The following PDE10A variants were observed in gnomAD, a reference collection of about 807,000 sequenced individuals.
The protein encoded by PDE10A is phosphodiesterase 10A.
PDE10A carries 39 observed loss-of-function variants against 97.7 expected under a neutral mutation model. That is an observed-to-expected ratio of 0.40 (90% CI 0.31 to 0.52). PDE10A has a LOEUF of 0.52. Among genes scored for constraint, PDE10A ranks in the 20% least tolerant of loss-of-function variants. The pLI is 0.56. For synonymous variants in PDE10A, 371 were observed against 376.8 expected (o/e 0.98, Z 0.18); for missense variants, 731 against 1,047.8 (o/e 0.70, Z 4.17).
At chr6:165,519,530 C>T (rs1037559870) in intron 2 of PDE10A, among the ~76,000 whole-genome samples, 1 of 151,946 alleles carries the variant, frequency 6.6e-6, no homozygotes, top group African/African-American at 2.4e-5. Context: ...TGAAGTCCTC[C>T]TGTGTACTGT....
chr6:165,786,389 A>G (rs75511212), intron 1 of PDE10A, among the ~76,000 whole-genome samples: 10,987 of 152,304 alleles, frequency 0.072, 562 homozygotes, highest in East Asian at 0.22. Context: ...GTTTGTGGAC[A>G]CACCAACATT....
intron 1 of PDE10A, among the ~76,000 whole-genome samples, chr6:165,674,620 CCTAA>C (rs1790743979): frequency 6.6e-6 from 1 of 152,128 alleles, no homozygotes; most frequent in African/African-American, 2.4e-5. Flanking sequence ...GATCTTTTCG[CCTAA>C]CTCACTATTC....
intron 1 of PDE10A, among the ~76,000 whole-genome samples, chr6:165,825,655 G>T (rs1779718129): frequency 6.6e-6 from 1 of 152,234 alleles, no homozygotes; most frequent in Non-Finnish European, 1.5e-5. Context: ...AAGAGAGCAA[G>T]ACTGCAGTTA....
Position 165,333,067 on chromosome 6 carries a change from T to G in PDE10A, c.3126A>C (p.Ser1042=). 1 of 1,613,466 alleles carries G rather than the reference T, an allele frequency of 6.2e-7. No homozygotes were observed. Among genetic ancestry groups the G allele is most frequent in the Non-Finnish European group, 8.5e-7 (1 of 1,179,488 alleles). Residue 1042 remains serine (S), a synonymous_variant, in exon 22 of 22, where the codon TCA becomes TCC. Coordinates refer to ENST00000539869, the MANE Select transcript of PDE10A (RefSeq NM_001385079.1). ...IRGEETATWI[S]SPSVAQKAAA... ...CTGCCTTCTGAGCCACGGATGGGGA[T>G]GAAATCCAGGTTGCAGTCTCCTCCC... is the stretch of plus-strand genomic sequence containing the variant.
At chr6:165,704,945 T>A (rs1215050628) in intron 1 of PDE10A, among the ~76,000 whole-genome samples, 1 of 152,228 alleles carries the variant, frequency 6.6e-6, no homozygotes, top group East Asian at 1.9e-4. Context: ...TGTACCACAC[T>A]GCCTTCCACA....
At chr6:165,952,688 C>T (rs147493327) in intron 1 of PDE10A, among the ~76,000 whole-genome samples, 4 of 152,318 alleles carry the variant, frequency 2.6e-5, no homozygotes, top group South Asian at 2.1e-4. Context: ...CTGCACGGGA[C>T]GGAAAGCGCA....
intron 1 of PDE10A, among the ~76,000 whole-genome samples, chr6:165,884,673 T>C (rs1460722434): frequency 8.5e-5 from 13 of 152,226 alleles, no homozygotes; most frequent in Non-Finnish European, 1.9e-4. Flanking sequence ...CTGATATGAC[T>C]GAAATGAATT....
intron 1 of PDE10A, among the ~76,000 whole-genome samples, chr6:165,739,553 A>G (rs900293029): frequency 4.6e-5 from 7 of 152,166 alleles, no homozygotes; most frequent in Admixed American, 1.3e-4. Flanking sequence ...AAAACAGAGA[A>G]AAAGCTTTTG....
chr6:165,504,685 T>A (rs1781089519), intron 2 of PDE10A, among the ~76,000 whole-genome samples: 3 of 152,160 alleles, frequency 2.0e-5, no homozygotes. Flanking sequence ...CTTACTAATA[T>A]ATTACTAATA....
At chr6:165,916,195 T>G (rs1250960599) in intron 1 of PDE10A, among the ~76,000 whole-genome samples, 2 of 152,256 alleles carry the variant, frequency 1.3e-5, no homozygotes, top group Non-Finnish European at 2.9e-5. Context: ...TGCCAGTTCC[T>G]AATTTGCAAT....
At chr6:165,336,997 T>C (rs1781693666) in intron 20 of PDE10A, among the ~76,000 whole-genome samples, 1 of 152,086 alleles carries the variant, frequency 6.6e-6, no homozygotes, top group Admixed American at 6.6e-5. Context: ...CTCTTGGCTT[T>C]GGTGCCTTGT....
intron 1 of PDE10A, among the ~76,000 whole-genome samples, chr6:165,620,914 G>T (rs1439214352): frequency 2.0e-5 from 3 of 151,978 alleles, no homozygotes; most frequent in African/African-American, 7.3e-5. Flanking sequence ...CCAGCTACTA[G>T]GGAGGCTGAG....
At chr6:165,629,426 G>A (rs901033063) in intron 1 of PDE10A, among the ~76,000 whole-genome samples, 78 of 151,342 alleles carry the variant, frequency 5.2e-4, no homozygotes, top group African/African-American at 1.6e-3. Flanking sequence ...AAAAGAAGCC[G>A]TTTGAATGAC....
At chr6:165,508,870 G>C (rs1781351758) in intron 2 of PDE10A, among the ~76,000 whole-genome samples, 1 of 151,926 alleles carries the variant, frequency 6.6e-6, no homozygotes, top group African/African-American at 2.4e-5. Context: ...TATCATAATA[G>C]TCCAGTCTCA....
intron 1 of PDE10A, chr6:165,948,231 A>G (rs553277773): frequency 2.8e-4 from 42 of 152,330 alleles, no homozygotes; most frequent in African/African-American, 9.6e-4. Flanking sequence ...GACCTGAACC[A>G]AGAGTTTTAT....
chr6:165,862,246 C>T (rs1250278600), intron 1 of PDE10A, among the ~76,000 whole-genome samples: 2 of 152,188 alleles, frequency 1.3e-5, no homozygotes, highest in Admixed American at 1.3e-4. Context: ...CCTCCAGTTA[C>T]CTTGTAAATA....
intron 1 of PDE10A, among the ~76,000 whole-genome samples, chr6:165,961,488 G>T (rs1784360268): frequency 6.6e-6 from 1 of 152,186 alleles, no homozygotes; most frequent in Non-Finnish European, 1.5e-5. Context: ...ATGCGGTGAG[G>T]GCCGGATCAC....
intron 5 of PDE10A, among the ~76,000 whole-genome samples, chr6:165,435,927 T>A (rs939848434): frequency 2.6e-5 from 4 of 152,212 alleles, no homozygotes; most frequent in Admixed American, 2.0e-4. Flanking sequence ...TGCTGTTCTC[T>A]GAGCAAAAAT....
chr6:165,730,747 C>T (rs1157749660), intron 1 of PDE10A, among the ~76,000 whole-genome samples: 2 of 55,354 alleles, frequency 3.6e-5, no homozygotes, highest in African/African-American at 8.8e-5. Flanking sequence ...AGTGAGATTC[C>T]ACCAAAAAAA....
Sources: gnomAD v4.1 joint callset for allele counts (sites outside exome capture counted in the v4.1 genomes callset) on GRCh38, gnomAD v4.1.1 for gene constraint, MANE v1.5 for transcripts, NCBI Gene and HGNC (gene_info 2026-07-23, HGNC 2026-07-21) for gene names.